The following KBTBD12 variants were observed in gnomAD, a reference collection of about 807,000 sequenced individuals.
The protein encoded by KBTBD12 is kelch repeat and BTB domain containing 12.
In KBTBD12, 53 loss-of-function variants were observed where a neutral mutation model predicts 58.7. The observed-to-expected ratio is 0.90, with a 90% CI of 0.72 to 1.14. The LOEUF (loss-of-function observed/expected upper bound fraction) is 1.14. Ranked by LOEUF, KBTBD12 falls within the 50% of genes most tolerant of loss-of-function variation. KBTBD12 has a pLI of 0.00. For synonymous variants in KBTBD12, 236 were observed against 259.8 expected, an observed-to-expected ratio of 0.91 and a Z score of 0.88; for missense variants, 704 against 751.3, an observed-to-expected ratio of 0.94 and a Z score of 0.74.
At chr3:127,954,710 C>G (rs186267242) in intron 4 of KBTBD12, among the ~76,000 whole-genome samples, 1 of 152,206 alleles carries the variant, frequency 6.6e-6, no homozygotes, top group Non-Finnish European at 1.5e-5. Context: ...ACCTTTCACA[C>G]GTGGCCCCAG....
chr3:127,921,736 G>A (rs1939415518), intron 1 of KBTBD12, among the ~76,000 whole-genome samples: 1 of 152,112 alleles, frequency 6.6e-6, no homozygotes, highest in Non-Finnish European at 1.5e-5. Context: ...TTTTGTGGTT[G>A]TTGTCAAAGC....
intron 4 of KBTBD12, among the ~76,000 whole-genome samples, chr3:127,956,457 T>C (rs1399896766): frequency 6.8e-6 from 1 of 146,714 alleles, no homozygotes; most frequent in Non-Finnish European, 1.5e-5. Flanking sequence ...GAGTGTCTTA[T>C]GGACAAAAAA....
intron 3 of KBTBD12, 160 bp downstream of exon 3, chr3:127,928,194 A>C (rs1325900120): frequency 1.6e-6 from 1 of 632,048 alleles, no homozygotes; most frequent in East Asian, 2.8e-5. Context: ...AAAGTGTTAA[A>C]GCAATTTAGG....
At chr3:127,927,029 C>T (rs1400164004) in intron 2 of KBTBD12, among the ~76,000 whole-genome samples, 1 of 152,076 alleles carries the variant, frequency 6.6e-6, no homozygotes, top group African/African-American at 2.4e-5. Flanking sequence ...ATACAATGCC[C>T]CATCACACAC....
chr3:127,934,801 C>A (rs1939790981), intron 4 of KBTBD12, among the ~76,000 whole-genome samples: 1 of 152,122 alleles, frequency 6.6e-6, no homozygotes, highest in African/African-American at 2.4e-5. Context: ...ATCAAGAATT[C>A]TGTATCCAGG....
chr3:127,931,308 T>C (rs1389926572), intron 4 of KBTBD12, among the ~76,000 whole-genome samples: 13 of 152,186 alleles, frequency 8.5e-5, no homozygotes, highest in Admixed American at 7.9e-4. Context: ...TATTTTATGA[T>C]TTTAATAACA....
chr3:127,983,708 C>T (rs141324668), intron 5 of KBTBD12, among the ~76,000 whole-genome samples: 2,200 of 152,054 alleles, frequency 0.014, 61 homozygotes, highest in African/African-American at 0.049. Context: ...AGCGAGATTG[C>T]ACCAGTGCAC....
At chr3:127,977,703 G>A (rs1300882340) in intron 5 of KBTBD12, among the ~76,000 whole-genome samples, 2 of 152,084 alleles carry the variant, frequency 1.3e-5, no homozygotes, top group Non-Finnish European at 2.9e-5. Context: ...ATTTATTTAA[G>A]TTCCTTATAG....
rs1939676142 is a variant in KBTBD12, at chr3:127,930,413, G to C, written c.1492+130G>C. 4 of 796,912 alleles carry C rather than the reference G, an allele frequency of 5.0e-6. No homozygotes were observed. The South Asian group carries it at 6.9e-5, about 14-fold the overall frequency. 49.4% of individuals were successfully genotyped at this position (796,912 alleles called of 1,614,324 possible). ...ATTTATATACAACTAGCTGAACTTT[G>C]TCTTTTATTTCTTGTTTTCTAGAGT... On this transcript the variant is annotated intron_variant, in intron 4 of 5. Transcript: ENST00000405109.
chr3:127,925,451 G>GT (rs1241841345), intron 2 of KBTBD12, among the ~76,000 whole-genome samples: 2 of 151,866 alleles, frequency 1.3e-5, no homozygotes, highest in African/African-American at 2.4e-5. Context: ...TCTTTACATA[G>GT]TTTTTTTTCT....
chr3:127,978,619 C>G (rs945055048), intron 5 of KBTBD12, among the ~76,000 whole-genome samples: 9 of 152,102 alleles, frequency 5.9e-5, no homozygotes, highest in Admixed American at 2.6e-4. Context: ...TTTCTTTCTT[C>G]TTTTTTTCGT....
At chr3:127,958,964 G>T (rs1940374599) in intron 4 of KBTBD12, among the ~76,000 whole-genome samples, 1 of 152,164 alleles carries the variant, frequency 6.6e-6, no homozygotes, top group Non-Finnish European at 1.5e-5. Flanking sequence ...GTAGAAGGCA[G>T]GTAAGCAGCT....
Position 127,926,810 on chromosome 3 carries a change from T to G in KBTBD12, c.1071-954T>G, listed in dbSNP as rs192587617. On this transcript the variant is annotated intron_variant, in intron 2 of 5. Coordinates refer to ENST00000405109, the MANE Select transcript of KBTBD12 (RefSeq NM_207335.4). ...TTAATTTCCATGTTTTCCTGTTTTT[T>G]TGTGTGTGTGTGTTTAATTTTGAAT... 5.4e-3 allele frequency among the ~76,000 whole-genome samples: 826 copies of G among 152,260 alleles called. 11 individuals are homozygous for G. Among genetic ancestry groups the G allele is most frequent in the East Asian group, 0.04 (206 of 5,188 alleles).
chr3:127,969,723 A>T (rs1401477809), intron 5 of KBTBD12, among the ~76,000 whole-genome samples: 1 of 152,242 alleles, frequency 6.6e-6, no homozygotes, highest in African/African-American at 2.4e-5. Context: ...TGAGGAAAGG[A>T]TCCTTTTTTC....
At chr3:127,929,360 A>T (rs776480779) in intron 3 of KBTBD12, among the ~76,000 whole-genome samples, 2 of 152,158 alleles carry the variant, frequency 1.3e-5, no homozygotes, top group African/African-American at 2.4e-5. Context: ...TATGCCAGTT[A>T]TTTCTTTGTT....
At chr3:127,922,122 T>G (rs6779024) in intron 1 of KBTBD12, among the ~76,000 whole-genome samples, 21,513 of 152,104 alleles carry the variant, frequency 0.14, 1,721 homozygotes, top group South Asian at 0.31. Context: ...AACATCCCAT[T>G]TCCATTTATC....
Position 127,923,799 on chromosome 3 carries a change from T to C in KBTBD12, c.738T>C (p.Cys246=), listed in dbSNP as rs548621177. ...RNTMLLCDAD[C]VDIIQNAFKA... is the part of the protein sequence containing the mutation. ...CAATGCTTCTGTGTGATGCAGATTG[T>C]GTTGACATAATTCAAAATGCATTCA... is the stretch of plus-strand genomic sequence containing the variant. Residue 246 remains cysteine, a synonymous_variant, in exon 2 of 6, where the codon TGT becomes TGC. Coordinates refer to ENST00000405109, the MANE Select transcript of KBTBD12 (RefSeq NM_207335.4). The C allele has an allele frequency of 4.3e-6, 7 of 1,613,930 alleles. No individual in the cohort carries two copies. The African/African-American group carries it at 9.3e-5, about 22-fold the overall frequency.
chr3:127,917,476 A>G (rs190356651), intron 1 of KBTBD12, among the ~76,000 whole-genome samples: 1 of 152,290 alleles, frequency 6.6e-6, no homozygotes, highest in Non-Finnish European at 1.5e-5. Context: ...GTTTTTAGGA[A>G]GGCTTCATTA....
chr3:127,920,628 A>G (rs1013109861), intron 1 of KBTBD12, among the ~76,000 whole-genome samples: 8 of 152,248 alleles, frequency 5.3e-5, no homozygotes, highest in Admixed American at 4.6e-4. Context: ...AATATAGTAA[A>G]GATAATGTAA....
Sources: allele counts gnomAD v4.1 joint callset (sites outside exome capture counted in the v4.1 genomes callset), GRCh38; gene constraint gnomAD v4.1.1; transcripts MANE v1.5; gene names NCBI Gene and HGNC (gene_info 2026-07-23, HGNC 2026-07-21).